The following MMP26 variants were observed in gnomAD, a reference collection of about 807,000 sequenced individuals.
MMP26 encodes the protein matrix metallopeptidase 26.
MMP26 carries 33 observed loss-of-function variants against 31.0 expected under a neutral mutation model. The observed-to-expected ratio is 1.06, with a 90% CI of 0.81 to 1.42. The LOEUF (loss-of-function observed/expected upper bound fraction) is 1.42. Ranked by LOEUF, MMP26 falls within the 40% of genes most tolerant of loss-of-function variation. MMP26 has a pLI of 0.00. For missense variants in MMP26, 347 were observed against 316.1 expected (o/e 1.10, Z -0.74); for synonymous variants, 122 against 114.9 (o/e 1.06, Z -0.40).
chr11:4,924,047 G>T, intron 2 of MMP26: 1 of 1,614,156 alleles, frequency 6.2e-7, no homozygotes, highest in South Asian at 1.1e-5. Flanking sequence ...AGTGAAACAG[G>T]CAGGGATGCC....
At chr11:4,806,352 A>C (rs1049946102) in intron 2 of MMP26, among the ~76,000 whole-genome samples, 1 of 151,548 alleles carries the variant, frequency 6.6e-6, no homozygotes, top group African/African-American at 2.4e-5. Context: ...ATTGTGTGGG[A>C]GTCTAAGTCT....
intron 2 of MMP26, among the ~76,000 whole-genome samples, chr11:4,940,300 A>G (rs1461546708): frequency 6.6e-6 from 1 of 152,092 alleles, no homozygotes; most frequent in East Asian, 1.9e-4. Context: ...CATTCCTAAT[A>G]CTTCCCCAGA....
At chr11:4,914,988 T>C in intron 2 of MMP26, 1 of 1,613,928 alleles carries the variant, frequency 6.2e-7, no homozygotes, top group Non-Finnish European at 8.5e-7. Flanking sequence ...GTGCGCAGGA[T>C]CAGAGCATAA....
rs553321451 is a variant in MMP26 at position 4,812,316 on chromosome 11, A to G, written c.-145+44975A>G. 4.6e-5 allele frequency among the ~76,000 whole-genome samples: 7 copies of G among 152,318 alleles called. No homozygotes were observed. The South Asian group carries it at 1.4e-3, about 32-fold the overall frequency. On this transcript the variant is annotated intron_variant, in intron 2 of 7. Transcript: ENST00000380390. ...AATATTACATAGACATATATAATGC[A>G]TTTGTACTATATAAAGAGATAGACA...
At chr11:4,796,582 T>C (rs971749850) in intron 2 of MMP26, among the ~76,000 whole-genome samples, 7 of 152,240 alleles carry the variant, frequency 4.6e-5, no homozygotes, top group African/African-American at 1.7e-4. Flanking sequence ...TTCATAAATA[T>C]ACAGACTTTT....
chr11:4,732,597 C>G (rs1848188142), intron 1 of MMP26, among the ~76,000 whole-genome samples: 1 of 151,202 alleles, frequency 6.6e-6, no homozygotes, highest in Non-Finnish European at 1.5e-5. Context: ...AGCACCCTAT[C>G]CAGAAGCAGT....
chr11:4,769,392 G>C lies in MMP26; in HGVS notation c.-145+2051G>C, dbSNP rs778463044. ...GGATGGTAACAATAGGAGTGAGAAA[G>C]GGCATTCATTCTACAGAAATAGAGA... is the stretch of plus-strand genomic sequence containing the variant. On this transcript the variant is annotated intron_variant, in intron 2 of 7. Transcript: ENST00000380390. 11 of 1,613,884 alleles carry C rather than the reference G, an allele frequency of 6.8e-6. No homozygotes were observed. In the Admixed American group the frequency reaches 1.8e-4, roughly 27 times the overall value.
rs188874072 is a variant in MMP26 at position 4,746,134 on chromosome 11, A to G, written c.-216-21136A>G. ...AATTTGAATGCCAATTAAAATTTTC[A>G]TAGTCAATCTTATGTTCCCATTGAC... On this transcript the variant is annotated intron_variant, in intron 1 of 7. Coordinates refer to ENST00000380390, the MANE Select transcript of MMP26 (RefSeq NM_021801.5). Among the ~76,000 whole-genome samples the G allele has an allele frequency of 4.9e-4, 74 of 152,354 alleles. No individual in the cohort carries two copies. The East Asian group carries it at 0.011, about 23-fold the overall frequency.
Position 4,947,297 on chromosome 11 carries a change from G to A in MMP26, c.-144-40771G>A, listed in dbSNP as rs565866517. The A allele has an allele frequency of 1.5e-4, 59 of 395,542 alleles. 10 individuals are homozygous for A. Among genetic ancestry groups the A allele is most frequent in the South Asian group, 4.5e-4 (10 of 22,322 alleles). The allele number at this position is 395,542 out of a possible 1,614,324, so 24.5% of individuals were successfully genotyped here. On this transcript the variant is annotated intron_variant, in intron 2 of 7. Coordinates refer to ENST00000380390, the MANE Select transcript of MMP26 (RefSeq NM_021801.5). The stretch of plus-strand genomic sequence containing the variant: ...TTGCTGCTTTGGACTATAATCTGTC[G>A]TATAATACATTGGAAAAATTATTTC...
At chr11:4,792,689 T>A (rs1193821413) in intron 2 of MMP26, among the ~76,000 whole-genome samples, 2 of 152,084 alleles carry the variant, frequency 1.3e-5, no homozygotes, top group Non-Finnish European at 2.9e-5. Flanking sequence ...TGAAAAGCAA[T>A]CCTATTGTCT....
intron 2 of MMP26, among the ~76,000 whole-genome samples, chr11:4,931,661 C>T (rs1353084343): frequency 6.6e-6 from 1 of 151,932 alleles, no homozygotes; most frequent in African/African-American, 2.4e-5. Flanking sequence ...AGGAGAGTAG[C>T]TATTAGCAAG....
intron 1 of MMP26, among the ~76,000 whole-genome samples, chr11:4,758,234 A>G (rs952392187): frequency 6.6e-6 from 1 of 152,204 alleles, no homozygotes; most frequent in African/African-American, 2.4e-5. Context: ...TGAGTGAAAG[A>G]AGCCAGATGC....
At chr11:4,957,539 G>T (rs911006098) in intron 2 of MMP26, among the ~76,000 whole-genome samples, 12 of 151,970 alleles carry the variant, frequency 7.9e-5, no homozygotes, top group African/African-American at 2.9e-4. Flanking sequence ...GAGAAAAACT[G>T]CAGATGTTTT....
At chr11:4,726,838 CT>C (rs1467021351) in intron 1 of MMP26, among the ~76,000 whole-genome samples, 1 of 152,036 alleles carries the variant, frequency 6.6e-6, no homozygotes, top group Non-Finnish European at 1.5e-5. Flanking sequence ...GAGATCTGAT[CT>C]CTACAAAAAA....
chr11:4,967,023 C>T (rs1846604836), intron 2 of MMP26, among the ~76,000 whole-genome samples: 1 of 152,128 alleles, frequency 6.6e-6, no homozygotes. Context: ...TGGTAAATTT[C>T]TGAGTGGTTC....
intron 2 of MMP26, among the ~76,000 whole-genome samples, chr11:4,813,916 G>C (rs1028981643): frequency 2.0e-5 from 3 of 152,046 alleles, no homozygotes; most frequent in African/African-American, 7.2e-5. Context: ...CTGACAAAGA[G>C]AGCCCCGTAA....
chr11:4,967,692 A>G (rs2133627480), intron 2 of MMP26, among the ~76,000 whole-genome samples: 1 of 152,314 alleles, frequency 6.6e-6, no homozygotes, highest in Non-Finnish European at 1.5e-5. Context: ...ATTCTCAAAC[A>G]TAATATTGTA....
rs1335697656 is a variant in MMP26 at position 4,989,865 on chromosome 11, AC to A, written c.318del (p.Tyr106Ter). 1.9e-6 allele frequency: 3 copies of A among 1,605,814 alleles called. No individual in the cohort carries two copies. On this transcript the variant is annotated frameshift_variant and splice_region_variant, in exon 4 of 8. Transcript: ENST00000380390. LOFTEE classifies it high-confidence loss of function. ...AAGTGGAATAAGCACACTCTAACTTACAGGTGCTTGTTACTAAGGCCTAGAG... is the reference window on the plus strand; with the variant it reads ...AAGTGGAATAAGCACACTCTAACTTAAGGTGCTTGTTACTAAGGCCTAGAG... ...RCKWNKHTLTYRIINYPHDMK... is the reference protein window; with the variant it reads ...RCKWNKHTLTXRIINYPHDMK...
At chr11:4,724,987 G>A (rs1848078200) in intron 1 of MMP26, among the ~76,000 whole-genome samples, 1 of 152,220 alleles carries the variant, frequency 6.6e-6, no homozygotes, top group African/African-American at 2.4e-5. Flanking sequence ...TTGGATCACA[G>A]GGACAGTTTC....
Sources: gnomAD v4.1 joint callset for allele counts (sites outside exome capture counted in the v4.1 genomes callset) on GRCh38, gnomAD v4.1.1 for gene constraint, MANE v1.5 for transcripts, NCBI Gene and HGNC (gene_info 2026-07-23, HGNC 2026-07-21) for gene names.